CELF4: variants seen among roughly 807,000 people sequenced by gnomAD.
CELF4 encodes CUGBP Elav-like family member 4, also known as CUG-BP- and ETR-3-like factor 4.
Under a neutral mutation model 59.9 loss-of-function variants are expected in CELF4, and 18 were observed. That is an observed-to-expected ratio of 0.30 (90% CI 0.21 to 0.45). CELF4 has a LOEUF of 0.45. Ranked by LOEUF, CELF4 falls within the 20% of genes least tolerant of loss-of-function variation. The probability of loss-of-function intolerance (pLI) is 1.00; values close to 1 mark genes in which losing one functional copy is unlikely to be tolerated. For synonymous variants in CELF4, 261 were observed against 267.1 expected, an observed-to-expected ratio of 0.98 and a Z score of 0.22; for missense variants, 456 against 689.0, an observed-to-expected ratio of 0.66 and a Z score of 3.79.
intron 1 of CELF4, among the ~76,000 whole-genome samples, chr18:37,501,697 C>T (rs1376359910): frequency 6.6e-6 from 1 of 152,178 alleles, no homozygotes; most frequent in African/African-American, 2.4e-5. Flanking sequence ...GGGCAGGCTG[C>T]CTGGGCCTCA....
intron 3 of CELF4, among the ~76,000 whole-genome samples, chr18:37,284,633 C>T (rs957337420): frequency 2.0e-5 from 3 of 152,188 alleles, no homozygotes; most frequent in Non-Finnish European, 2.9e-5. Flanking sequence ...GCCCAGTCAA[C>T]GCCACCTCCC....
chr18:37,352,864 G>A (rs992889255), intron 2 of CELF4, among the ~76,000 whole-genome samples: 1 of 152,148 alleles, frequency 6.6e-6, no homozygotes, highest in Non-Finnish European at 1.5e-5. Context: ...AAGGTGCAGA[G>A]TGGGACGGGG....
In CELF4 at chr18:37,343,837, C is replaced by A. The variant is rs563807732; in HGVS notation, c.370-21956G>T. On this transcript the variant is annotated intron_variant, in intron 2 of 12. Transcript: ENST00000420428. ...AGACCCCATCCAGACTCCCCACTCCCAAACCCTCACCTTTCACTCCTATCA... is the reference window on the plus strand; with the variant it reads ...AGACCCCATCCAGACTCCCCACTCCAAAACCCTCACCTTTCACTCCTATCA... 5.3e-5 allele frequency among the ~76,000 whole-genome samples: 8 copies of A among 152,254 alleles called. No individual in the cohort carries two copies. The East Asian group carries it at 1.4e-3, about 26-fold the overall frequency.
chr18:37,273,017 T>C lies in CELF4; in HGVS notation c.948A>G (p.Ser316=). ...GLAAAPMTPT[S]GGSTPPGITA... ...GCGTGTTGGCACCTGCCAGCTCACC[T>C]GAGGTTGGGGTCATAGGTGCGGCCG... The change falls in exon 7 of 13, where the codon TCA becomes TCG. Residue 316 remains serine (S), a splice_region_variant and synonymous_variant. Coordinates refer to ENST00000420428, the MANE Select transcript of CELF4 (RefSeq NM_020180.4). 6.2e-7 allele frequency: 1 copy of C among 1,605,188 alleles called. No individual in the cohort carries two copies. Among genetic ancestry groups the C allele is most frequent in the Non-Finnish European group, 8.5e-7 (1 of 1,174,706 alleles).
At chr18:37,446,438 C>T (rs755440436) in intron 2 of CELF4, among the ~76,000 whole-genome samples, 2 of 152,082 alleles carry the variant, frequency 1.3e-5, no homozygotes, top group African/African-American at 2.4e-5. Context: ...AAGGCTTGGA[C>T]TGTAGTTTCC....
intron 2 of CELF4, among the ~76,000 whole-genome samples, chr18:37,385,367 AAAAAAG>A (rs2099088018): frequency 6.6e-6 from 1 of 151,522 alleles, no homozygotes; most frequent in African/African-American, 2.4e-5. Flanking sequence ...AAAAAAAAAA[AAAAAAG>A]AAAGAAAGAA....
chr18:37,522,892 AT>A (rs759406114), intron 1 of CELF4, among the ~76,000 whole-genome samples: 3 of 152,186 alleles, frequency 2.0e-5, no homozygotes, highest in South Asian at 4.2e-4. Flanking sequence ...ACCCTCTCCC[AT>A]GAAACCATCC....
At chr18:37,320,418 T>C (rs1452628073) in intron 3 of CELF4, among the ~76,000 whole-genome samples, 3 of 151,670 alleles carry the variant, frequency 2.0e-5, no homozygotes, top group Non-Finnish European at 2.9e-5. Flanking sequence ...TTCTAAACCC[T>C]TTCCGGGCTG....
chr18:37,547,881 G>GT (rs2099981962), intron 1 of CELF4, among the ~76,000 whole-genome samples: 3 of 152,072 alleles, frequency 2.0e-5, no homozygotes, highest in Non-Finnish European at 4.4e-5. Context: ...GTCCGTGTGT[G>GT]TATCTCTATG....
At chr18:37,264,636 G>C (rs750319380) in intron 10 of CELF4, 38 bp downstream of exon 10, 1 of 1,523,996 alleles carries the variant, frequency 6.6e-7, no homozygotes, top group Admixed American at 1.9e-5. Flanking sequence ...GGGACAACAG[G>C]GGGAGGGAGG....
chr18:37,371,202 C>T (rs955528230), intron 2 of CELF4, among the ~76,000 whole-genome samples: 2 of 152,210 alleles, frequency 1.3e-5, no homozygotes, highest in South Asian at 2.1e-4. Context: ...AAGGGATGCA[C>T]CATTTTTCTC....
intron 1 of CELF4, among the ~76,000 whole-genome samples, chr18:37,536,059 G>C (rs781447012): frequency 6.6e-6 from 1 of 152,048 alleles, no homozygotes; most frequent in Non-Finnish European, 1.5e-5. Context: ...TTGCATCCTG[G>C]GTGTCATCAA....
intron 2 of CELF4, among the ~76,000 whole-genome samples, chr18:37,389,730 A>T (rs2099137275): frequency 6.6e-6 from 1 of 152,198 alleles, no homozygotes; most frequent in Non-Finnish European, 1.5e-5. Flanking sequence ...TCACACGTAC[A>T]GGAGTGTGAG....
At chr18:37,292,506 G>C (rs1378689191) in intron 3 of CELF4, among the ~76,000 whole-genome samples, 1 of 152,172 alleles carries the variant, frequency 6.6e-6, no homozygotes, top group East Asian at 1.9e-4. Flanking sequence ...GGTGTCCCAG[G>C]AGAACTTCCT....
rs2099954342 is a variant in CELF4 at position 37,519,264 on chromosome 18, G to T, written c.287-33657C>A. ...GAAGAAGCTGTCCCTAGAGAGGTGT[G>T]GGGGTGAGCTGGGGGGTCCTGAGCC... On this transcript the variant is annotated intron_variant, in intron 1 of 12. Coordinates refer to ENST00000420428, the MANE Select transcript of CELF4 (RefSeq NM_020180.4). Among the ~76,000 whole-genome samples, 4 of 152,286 alleles carry T rather than the reference G, an allele frequency of 2.6e-5. No homozygotes were observed. The South Asian group carries it at 8.3e-4, about 32-fold the overall frequency.
chr18:37,497,681 A>G (rs2099926795), intron 1 of CELF4, among the ~76,000 whole-genome samples: 1 of 151,856 alleles, frequency 6.6e-6, no homozygotes, highest in African/African-American at 2.4e-5. Flanking sequence ...AAAGAAAGAC[A>G]ATTGGTAAGC....
At chr18:37,502,813 C>T (rs765550467) in intron 1 of CELF4, among the ~76,000 whole-genome samples, 1 of 152,206 alleles carries the variant, frequency 6.6e-6, no homozygotes, top group African/African-American at 2.4e-5. Flanking sequence ...TAACATCTCA[C>T]CTCGTCCAGG....
intron 2 of CELF4, among the ~76,000 whole-genome samples, chr18:37,333,754 ATCCG>A (rs1389994317): frequency 3.6e-4 from 46 of 128,148 alleles, no homozygotes; most frequent in African/African-American, 1.2e-3. Context: ...CCATCCATCC[ATCCG>A]TGCATCCATC....
chr18:37,291,989 T>C (rs577671394), intron 3 of CELF4, among the ~76,000 whole-genome samples: 22 of 151,840 alleles, frequency 1.4e-4, no homozygotes, highest in African/African-American at 2.4e-4. Context: ...GTGGGGGTGA[T>C]TGGATCATCA....
Sources: allele counts gnomAD v4.1 joint callset (sites outside exome capture counted in the v4.1 genomes callset), GRCh38; gene constraint gnomAD v4.1.1; transcripts MANE v1.5; gene names NCBI Gene and HGNC (gene_info 2026-07-23, HGNC 2026-07-21).